The following ATAD2B variants were observed in gnomAD, a reference collection of about 807,000 sequenced individuals.
The protein encoded by ATAD2B is ATPase family AAA domain-containing protein 2B.
Under a neutral mutation model 167.6 loss-of-function variants are expected in ATAD2B, and 40 were observed. The observed-to-expected ratio is 0.24, with a 90% CI of 0.19 to 0.31. The LOEUF is 0.31. Ranked by LOEUF, ATAD2B falls within the 10% of genes least tolerant of loss-of-function variation. The pLI is 1.00. For missense variants in ATAD2B, 1,242 were observed against 1,757.2 expected (o/e 0.71, Z 5.24); for synonymous variants, 579 against 596.5 (o/e 0.97, Z 0.43).
the ATAD2B span, among the ~76,000 whole-genome samples, chr2:23,692,053 GCTCT>G: frequency 6.6e-6 from 1 of 152,152 alleles, no homozygotes; most frequent in East Asian, 1.9e-4. Flanking sequence ...ACATGCAAAG[GCTCT>G]CTTTCCCTGG....
intron 14 of ATAD2B, among the ~76,000 whole-genome samples, chr2:23,831,919 C>T (rs139529036): frequency 2.0e-4 from 31 of 152,248 alleles, no homozygotes; most frequent in Admixed American, 8.5e-4. Flanking sequence ...ATTTGCTTCC[C>T]TTTGCAGAAA....
the ATAD2B span, chr2:23,690,218 G>A: frequency 6.6e-6 from 1 of 152,264 alleles, no homozygotes; most frequent in Non-Finnish European, 1.5e-5. Flanking sequence ...ACGTAGGGAA[G>A]AGTCTCGTGG....
chr2:23,684,821 C>G, the ATAD2B span, among the ~76,000 whole-genome samples: 1 of 148,056 alleles, frequency 6.8e-6, no homozygotes, highest in African/African-American at 2.4e-5. This position sits in a 1 kb window ranked among gnomAD's most constrained non-coding sequence, Gnocchi z 4.4. Flanking sequence ...TGCCCCACCC[C>G]TGAGATCCCA....
intron 14 of ATAD2B, among the ~76,000 whole-genome samples, chr2:23,830,226 C>T (rs368776069): frequency 3.3e-5 from 5 of 152,088 alleles, no homozygotes; most frequent in East Asian, 3.8e-4. Flanking sequence ...TCAACTGTTC[C>T]GCCCACCTCA....
chr2:23,877,281 T>C (rs1183248962), intron 7 of ATAD2B, among the ~76,000 whole-genome samples: 1 of 151,112 alleles, frequency 6.6e-6, no homozygotes, highest in Non-Finnish European at 1.5e-5. Context: ...AGGTCAGGAG[T>C]TCGAGCCAGC....
At chr2:23,827,785 G>A (rs961970562) in intron 15 of ATAD2B, 2 of 152,626 alleles carry the variant, frequency 1.3e-5, no homozygotes, top group African/African-American at 4.8e-5. Context: ...AGAGATTTAC[G>A]TTTTCTCCTC....
At position 23,856,936 on chromosome 2, in the gene ATAD2B, C is replaced by A. The variant is rs900285391; in HGVS notation, c.1568+479G>T. On this transcript the variant is annotated intron_variant, in intron 13 of 27. Coordinates refer to ENST00000238789, the MANE Select transcript of ATAD2B (RefSeq NM_017552.4). Reference sequence around the variant, plus strand: ...TGTAAAAGGTCAGATAGGCTGGACACAGTGGCTCACGCCTGTAATCTCGGC... The same window carrying A: ...TGTAAAAGGTCAGATAGGCTGGACAAAGTGGCTCACGCCTGTAATCTCGGC... 1.4e-4 allele frequency among the ~76,000 whole-genome samples: 21 copies of A among 151,870 alleles called. No homozygotes were observed. The East Asian group carries it at 2.3e-3, about 17-fold the overall frequency.
the ATAD2B span, among the ~76,000 whole-genome samples, chr2:23,704,363 A>G: frequency 6.6e-6 from 1 of 152,198 alleles, no homozygotes; most frequent in Non-Finnish European, 1.5e-5. Context: ...GAGAAGGTAG[A>G]GGGCTGAGTG....
In ATAD2B at chr2:23,885,790, G is replaced by A; in HGVS notation, c.612C>T (p.Asn204=). The change falls in exon 5 of 28, where the codon AAC becomes AAT. Residue 204 remains asparagine, a synonymous_variant. Transcript: ENST00000238789. ...EAVLQEMDNI[N]IRRNRRSGEV... ...CTCCTGATCGACGATTCCGTCGGAT[G>A]TTAATGTTGTCCATTTCCTGTAGTA... 1.9e-6 allele frequency: 3 copies of A among 1,595,514 alleles called. No homozygotes were observed. The highest frequency in any genetic ancestry group is 1.7e-5 in the Admixed American group (1 of 57,328).
chr2:23,831,387 CT>C (rs1430380342), intron 14 of ATAD2B, among the ~76,000 whole-genome samples: 1 of 152,128 alleles, frequency 6.6e-6, no homozygotes, highest in Non-Finnish European at 1.5e-5. Context: ...TTTTATTAAT[CT>C]TTTACTTAAT....
At chr2:23,841,031 T>C (rs1467897727) in intron 13 of ATAD2B, among the ~76,000 whole-genome samples, 2 of 151,788 alleles carry the variant, frequency 1.3e-5, no homozygotes, top group Non-Finnish European at 2.9e-5. Flanking sequence ...TTCAGCCTCC[T>C]GAGTAGGCAG....
At position 23,752,131 on chromosome 2, in the gene ATAD2B, CAA is replaced by C. The variant is rs1558482687; in HGVS notation, c.4336-46_4336-45del. The C allele has an allele frequency of 3.7e-6, 5 of 1,349,862 alleles. No homozygotes were observed. The Admixed American group carries it at 8.2e-5, about 22-fold the overall frequency. The allele number at this position is 1,349,862 out of a possible 1,614,324, so 83.6% of individuals were successfully genotyped here. On this transcript the variant is annotated intron_variant, in intron 27 of 27. Coordinates refer to ENST00000238789, the MANE Select transcript of ATAD2B (RefSeq NM_017552.4). ...TGCATGTTATCTATTAAGGGAAAGA[CAA>C]AAGTGTTCCTCATTACGGAAGAATT...
In ATAD2B at chr2:23,762,349, G is replaced by A; in HGVS notation, c.3257-3C>T. On this transcript the variant is annotated splice_region_variant and splice_polypyrimidine_tract_variant and intron_variant, in intron 23 of 27. Coordinates refer to ENST00000238789, the MANE Select transcript of ATAD2B (RefSeq NM_017552.4). ...TTGTTCTGATGTTACTGATAAGCCT[G>A]CAAGCAGAAGATAAGCAATACCTCT... The A allele has an allele frequency of 6.2e-7, 1 of 1,610,076 alleles. No homozygotes were observed. Among genetic ancestry groups the A allele is most frequent in the East Asian group, 2.2e-5 (1 of 44,622 alleles).
chr2:23,822,874 G>A (rs904162446), intron 16 of ATAD2B, among the ~76,000 whole-genome samples: 2 of 119,200 alleles, frequency 1.7e-5, no homozygotes, highest in African/African-American at 6.5e-5. Flanking sequence ...CCAAGACTGC[G>A]CCATTACACT....
At chr2:23,776,714 A>T (rs1679191497) in intron 22 of ATAD2B, among the ~76,000 whole-genome samples, 2 of 152,192 alleles carry the variant, frequency 1.3e-5, no homozygotes. Context: ...ATAAGACCTT[A>T]TGACACTGTC....
At chr2:23,737,291 C>T in the ATAD2B span, among the ~76,000 whole-genome samples, 1 of 152,196 alleles carries the variant, frequency 6.6e-6, no homozygotes, top group Non-Finnish European at 1.5e-5. Flanking sequence ...AACTGGGAGG[C>T]ACTCCCAGTA....
In ATAD2B at chr2:23,926,698, C is replaced by A; in HGVS notation, c.73G>T (p.Ala25Ser). 1 of 1,551,480 alleles carries A rather than the reference C, an allele frequency of 6.4e-7. No homozygotes were observed. The highest frequency in any genetic ancestry group is 1.7e-4 in the Middle Eastern group (1 of 5,844). The change falls in exon 1 of 28, where the codon GCC (alanine) becomes TCC (serine). Residue 25 changes from alanine to serine, a missense_variant. Ala to Ser is a moderately conservative substitution (Grantham distance 99). Transcript: ENST00000238789. ...KSPGPGPGPG[A>S]GAEPGATGGS... is the part of the protein sequence containing the mutation. ...CCGGTCGCCCCAGGCTCTGCTCCGG[C>A]CCCAGGCCCAGGCCCGGGACCAGGA...
the ATAD2B span, among the ~76,000 whole-genome samples, chr2:23,711,367 T>C: frequency 1.8e-5 from 2 of 113,036 alleles, no homozygotes; most frequent in Non-Finnish European, 3.5e-5. Flanking sequence ...TTTTTTTTTT[T>C]TTTTTTTTTT....
the ATAD2B span, among the ~76,000 whole-genome samples, chr2:23,719,085 C>A: frequency 1.3e-5 from 2 of 152,182 alleles, no homozygotes; most frequent in Non-Finnish European, 2.9e-5. Flanking sequence ...TTCAGCCTAA[C>A]ACAGAGATTG....
Sources: gnomAD v4.1 joint callset for allele counts (sites outside exome capture counted in the v4.1 genomes callset) on GRCh38, gnomAD v4.1.1 for gene constraint, Gnocchi (gnomAD v3.1) non-coding constraint, MANE v1.5 for transcripts, NCBI Gene and HGNC (gene_info 2026-07-23, HGNC 2026-07-21) for gene names.